TPRA1: variants seen among roughly 807,000 people sequenced by gnomAD.
TPRA1 encodes the protein transmembrane protein adipocyte associated 1.
A neutral mutation model predicts 40.1 loss-of-function variants in TPRA1; 28 were observed. The ratio of observed to expected loss-of-function variants is 0.70; its 90% CI spans 0.52 to 0.96. The LOEUF (loss-of-function observed/expected upper bound fraction) is 0.96. TPRA1 is among the 40% of genes least tolerant of loss of function. The pLI is 0.00. For missense variants in TPRA1, 441 were observed against 482.6 expected (o/e 0.91, Z 0.81); for synonymous variants, 219 against 209.7 (o/e 1.04, Z -0.38).
intron 1 of TPRA1, among the ~76,000 whole-genome samples, chr3:127,587,672 T>A (rs2074039551): frequency 6.6e-6 from 1 of 151,352 alleles, no homozygotes; most frequent in African/African-American, 2.4e-5. Flanking sequence ...GGTTGCTGCT[T>A]TTCTTTTTTT....
At chr3:127,575,901 A>AG (rs758083558) in intron 7 of TPRA1, 39 bp downstream of exon 7, 9 of 1,611,552 alleles carry the variant, frequency 5.6e-6, no homozygotes, top group Non-Finnish European at 7.6e-6. Flanking sequence ...CCTGGCCCTA[A>AG]GGCCCCAGCC....
At chr3:127,574,926 GTGTGCA>G (rs1167487210) in intron 10 of TPRA1, 6 of 544,598 alleles carry the variant, frequency 1.1e-5, no homozygotes, top group Non-Finnish European at 2.0e-5. Flanking sequence ...GCGTGTTTGT[GTGTGCA>G]TGTGCATGTG....
chr3:127,584,447 T>TAAAA (rs1163065087), intron 1 of TPRA1, among the ~76,000 whole-genome samples: 1,017 of 20,802 alleles, frequency 0.049, 201 homozygotes, highest in Middle Eastern at 0.21. Flanking sequence ...AGACCCTGTC[T>TAAAA]AAAAAAAAAA....
Position 127,573,759 on chromosome 3 carries a change from T to C in TPRA1, c.884A>G (p.Lys295Arg), listed in dbSNP as rs377696734. ...CTCCTCTGTCTCGTCCACTTGGCATTTGTAGGAGAAGAGGATCTTGGGCTC... is the reference window on the plus strand; with the variant it reads ...CTCCTCTGTCTCGTCCACTTGGCATCTGTAGGAGAAGAGGATCTTGGGCTC... ...GSEPKILFSY[K>R]CQVDETEEPD... is the part of the protein sequence containing the mutation. Residue 295 changes from lysine to arginine, a missense_variant, in exon 11 of 11, where the codon AAA (lysine) becomes AGA (arginine). Lys to Arg is a conservative substitution (Grantham distance 26). Transcript: ENST00000355552. 21 of 1,585,344 alleles carry C rather than the reference T, an allele frequency of 1.3e-5. No individual in the cohort carries two copies. In the African/African-American group the frequency reaches 2.7e-4, roughly 20 times the overall value.
At chr3:127,584,687 G>A (rs1240578237) in intron 1 of TPRA1, among the ~76,000 whole-genome samples, 4 of 152,134 alleles carry the variant, frequency 2.6e-5, no homozygotes, top group Middle Eastern at 3.4e-3. Flanking sequence ...CCATGTGGCT[G>A]AGTTTTATCC....
chr3:127,583,313 C>CA (rs1404647365), intron 1 of TPRA1, among the ~76,000 whole-genome samples: 3 of 148,254 alleles, frequency 2.0e-5, no homozygotes, highest in Admixed American at 2.0e-4. Flanking sequence ...AACTCCATCT[C>CA]AGAAAAAAAA....
intron 1 of TPRA1, among the ~76,000 whole-genome samples, chr3:127,584,446 C>T (rs1327406529): frequency 1.9e-4 from 1 of 5,310 alleles, no homozygotes; most frequent in Non-Finnish European, 3.4e-4. Flanking sequence ...GAGACCCTGT[C>T]TAAAAAAAAA....
At chr3:127,590,282 C>G (rs2074130323) in intron 1 of TPRA1, 128 bp downstream of exon 1, 1 of 152,288 alleles carries the variant, frequency 6.6e-6, no homozygotes, top group African/African-American at 2.4e-5. Flanking sequence ...GCCGTCCGAG[C>G]TGCGCCCGAG....
chr3:127,576,524 G>T lies in TPRA1; in HGVS notation c.498+93C>A. On this transcript the variant is annotated intron_variant, in intron 6 of 10. Transcript: ENST00000355552. The surrounding 1 kb of genome is among the most constrained non-coding windows in gnomAD (Gnocchi z 4.6). ...GTGCAAAGTTTTGAGAACTCTGAAG[G>T]TGATAAAGACTGGAAACCTGACCCA... 3 of 1,217,100 alleles carry T rather than the reference G, an allele frequency of 2.5e-6. No homozygotes were observed. The allele number at this position is 1,217,100 out of a possible 1,614,324, so 75.4% of individuals were successfully genotyped here. A position where few individuals can be genotyped will look rare whatever the true frequency, so the allele number is the denominator to read the frequency against.
intron 1 of TPRA1, among the ~76,000 whole-genome samples, chr3:127,597,698 C>T (rs1035937789): frequency 2.6e-5 from 4 of 152,214 alleles, no homozygotes; most frequent in African/African-American, 9.7e-5. Flanking sequence ...TACAAAATCC[C>T]AGAGTTGTCC....
At chr3:127,581,506 T>C (rs2073830846) in intron 1 of TPRA1, among the ~76,000 whole-genome samples, 1 of 152,298 alleles carries the variant, frequency 6.6e-6, no homozygotes, top group South Asian at 2.1e-4. Context: ...TGCCAGCGTC[T>C]GGGTGTCAGA....
intron 1 of TPRA1, among the ~76,000 whole-genome samples, chr3:127,584,447 TAAAA>T (rs1163065087): frequency 2.4e-3 from 50 of 20,850 alleles, no homozygotes; most frequent in African/African-American, 9.7e-3. Context: ...AGACCCTGTC[TAAAA>T]AAAAAAAAAA....
rs2074148114 is a variant in TPRA1 at position 127,590,697 on chromosome 3, T to A, written c.-305A>T. On this transcript the variant is annotated 5_prime_UTR_variant, in exon 1 of 11. Coordinates refer to ENST00000355552, the MANE Select transcript of TPRA1 (RefSeq NM_001136053.4). ...CGACCGGGAAAGCAAGACCGTCTTT[T>A]TCGTCCAGCCCAAATTGCGAAAACG... The A allele has an allele frequency of 6.6e-6, 1 of 152,252 alleles. No homozygotes were observed. The highest frequency in any genetic ancestry group is 1.5e-5 in the Non-Finnish European group (1 of 68,094). 9.4% of individuals were successfully genotyped at this position (152,252 alleles called of 1,614,324 possible).
At chr3:127,587,499 C>G (rs1020157154) in intron 1 of TPRA1, among the ~76,000 whole-genome samples, 11 of 152,076 alleles carry the variant, frequency 7.2e-5, no homozygotes, top group Non-Finnish European at 8.8e-5. Context: ...GTCAACAAGA[C>G]GGGGCTGCAC....
chr3:127,578,752 C>T (rs1410474543), intron 3 of TPRA1, among the ~76,000 whole-genome samples: 1 of 152,188 alleles, frequency 6.6e-6, no homozygotes, highest in African/African-American at 2.4e-5. Flanking sequence ...CCTTGTCTGT[C>T]TCTCTGCCTG....
chr3:127,573,583 G>A lies in TPRA1; in HGVS notation c.1060C>T (p.Pro354Ser). 7.4e-6 allele frequency: 12 copies of A among 1,613,182 alleles called. No individual in the cohort carries two copies. The highest frequency in any genetic ancestry group is 9.3e-6 in the Non-Finnish European group (11 of 1,180,006). The change falls in exon 11 of 11, where the codon CCC (proline) becomes TCC (serine). Residue 354 changes from proline (P) to serine (S), a missense_variant. By Grantham distance (74) the Pro-to-Ser change is moderately conservative. Transcript: ENST00000355552. ...VAYLDDIASMPCHTGSINSTD... is the reference protein window; with the variant it reads ...VAYLDDIASMSCHTGSINSTD... ...CTGTTGATGCTGCCAGTGTGGCAGG[G>A]CATGGAAGCGATGTCATCCAGGTAG...
At chr3:127,594,781 C>T (rs1576406027), upstream of TPRA1, 1 of 152,306 alleles carries the variant, frequency 6.6e-6, no homozygotes, top group Non-Finnish European at 1.5e-5. Context: ...TGGCTCAATA[C>T]ATGGGTCAGA....
intron 1 of TPRA1, among the ~76,000 whole-genome samples, chr3:127,581,808 G>T (rs2073841596): frequency 6.6e-6 from 1 of 151,526 alleles, no homozygotes. Flanking sequence ...TATAGTCCCA[G>T]CTACTCAGGA....
intron 1 of TPRA1, among the ~76,000 whole-genome samples, chr3:127,583,145 C>CAAAAAA (rs745975427): frequency 1.3e-5 from 1 of 79,964 alleles, no homozygotes; most frequent in East Asian, 3.6e-4. Context: ...GACTCCGTCT[C>CAAAAAA]AAAAAAAAAA....
Sources: gnomAD v4.1 joint callset for allele counts (sites outside exome capture counted in the v4.1 genomes callset) on GRCh38, gnomAD v4.1.1 for gene constraint, Gnocchi (gnomAD v3.1) non-coding constraint, MANE v1.5 for transcripts, NCBI Gene and HGNC (gene_info 2026-07-23, HGNC 2026-07-21) for gene names.